The following CYP19A1 variants were observed in gnomAD, a reference collection of about 807,000 sequenced individuals.
CYP19A1 encodes the protein aromatase.
Under a neutral mutation model 44.4 loss-of-function variants are expected in CYP19A1, and 32 were observed. The observed-to-expected ratio is 0.72, with a 90% CI of 0.54 to 0.97. CYP19A1 has a LOEUF of 0.97. CYP19A1 is among the 50% of genes least tolerant of loss of function. CYP19A1 has a pLI of 0.00. For missense variants in CYP19A1, 598 were observed against 637.8 expected, an observed-to-expected ratio of 0.94 and a Z score of 0.67; for synonymous variants, 212 against 215.6, an observed-to-expected ratio of 0.98 and a Z score of 0.14.
At chr15:51,282,563 C>T (rs2035556974) in intron 1 of CYP19A1, among the ~76,000 whole-genome samples, 1 of 152,238 alleles carries the variant, frequency 6.6e-6, no homozygotes, top group Admixed American at 6.5e-5. Context: ...TCAGGGCCTT[C>T]ACAGCCTCCA....
chr15:51,280,998 GGC>G (rs372474546), intron 1 of CYP19A1, among the ~76,000 whole-genome samples: 1 of 152,156 alleles, frequency 6.6e-6, no homozygotes, highest in African/African-American at 2.4e-5. Context: ...TGCAGGCCCA[GGC>G]GCCCGTTACT....
intron 9 of CYP19A1, chr15:51,211,588 C>A (rs1449614687): frequency 5.2e-6 from 2 of 384,098 alleles, no homozygotes; most frequent in Admixed American, 3.4e-5. Context: ...TTTTGTTGAT[C>A]AGTTGACTGA....
intron 1 of CYP19A1, among the ~76,000 whole-genome samples, chr15:51,305,143 G>A (rs61309238): frequency 0.023 from 3,421 of 151,988 alleles, 114 homozygotes; most frequent in East Asian, 0.14. Context: ...CAAGTTATCC[G>A]CCCACCTTGG....
At chr15:51,258,993 C>T (rs983203151) in intron 1 of CYP19A1, among the ~76,000 whole-genome samples, 1 of 152,158 alleles carries the variant, frequency 6.6e-6, no homozygotes, top group Admixed American at 6.5e-5. Flanking sequence ...TTGCCCCCAT[C>T]CCTCCACCAT....
Position 51,215,248 on chromosome 15 carries a change from AT to A in CYP19A1, c.859-17del. The A allele has an allele frequency of 6.2e-7, 1 of 1,614,018 alleles. No homozygotes were observed. Among genetic ancestry groups the A allele is most frequent in the Non-Finnish European group, 8.5e-7 (1 of 1,179,944 alleles). ...CACCACGTTTCTGAACAATTGGAAG[AT>A]GGGAAAAATTTGGAAAAGTGAATCA... On this transcript the variant is annotated splice_polypyrimidine_tract_variant and intron_variant, in intron 7 of 9. Coordinates refer to ENST00000396402, the MANE Select transcript of CYP19A1 (RefSeq NM_000103.4).
chr15:51,250,629 C>A (rs2034270658), intron 1 of CYP19A1, among the ~76,000 whole-genome samples: 1 of 152,218 alleles, frequency 6.6e-6, no homozygotes. Flanking sequence ...GGCCATGAGA[C>A]AAAGTGGGGG....
intron 1 of CYP19A1, among the ~76,000 whole-genome samples, chr15:51,251,147 C>T (rs375350091): frequency 3.9e-5 from 6 of 152,238 alleles, no homozygotes; most frequent in South Asian, 4.2e-4. Flanking sequence ...GGGAAGCCTC[C>T]GGAGCCAAGT....
At chr15:51,227,009 T>G (rs1187594857) in intron 4 of CYP19A1, among the ~76,000 whole-genome samples, 5 of 152,154 alleles carry the variant, frequency 3.3e-5, no homozygotes, top group Non-Finnish European at 1.5e-5. Flanking sequence ...AGTCAAGCAC[T>G]CAGCAAACAC....
chr15:51,291,989 C>T (rs2035857238), intron 1 of CYP19A1, among the ~76,000 whole-genome samples: 1 of 152,240 alleles, frequency 6.6e-6, no homozygotes, highest in South Asian at 2.1e-4. Context: ...GCTACTTTAG[C>T]AGTCCAACAC....
intron 1 of CYP19A1, among the ~76,000 whole-genome samples, chr15:51,310,721 C>A (rs2036295616): frequency 6.6e-6 from 1 of 152,194 alleles, no homozygotes; most frequent in Admixed American, 6.5e-5. Flanking sequence ...TTTGTGACAT[C>A]ATCAGCGGCT....
At chr15:51,237,297 TA>T (rs1463581464) in intron 2 of CYP19A1, among the ~76,000 whole-genome samples, 1 of 152,242 alleles carries the variant, frequency 6.6e-6, no homozygotes, top group Non-Finnish European at 1.5e-5. Context: ...GTGTGTGTGC[TA>T]ATTTCTTCCC....
At chr15:51,229,444 C>T (rs892572593) in intron 3 of CYP19A1, among the ~76,000 whole-genome samples, 2 of 149,692 alleles carry the variant, frequency 1.3e-5, no homozygotes, top group African/African-American at 4.9e-5. Flanking sequence ...ATATTTATTT[C>T]AGGAAAAACC....
intron 1 of CYP19A1, among the ~76,000 whole-genome samples, chr15:51,268,816 T>C (rs1034707861): frequency 6.6e-6 from 1 of 152,210 alleles, no homozygotes. Flanking sequence ...ATTAATAATT[T>C]TGAGCATTTT....
intron 3 of CYP19A1, among the ~76,000 whole-genome samples, chr15:51,233,165 C>T (rs913039757): frequency 3.3e-5 from 5 of 152,188 alleles, no homozygotes; most frequent in Non-Finnish European, 7.3e-5. Flanking sequence ...ATCACACCTG[C>T]GTCTCTACAA....
Position 51,212,111 on chromosome 15 carries a change from T to C in CYP19A1, c.1263+209A>G, listed in dbSNP as rs1044020358. 6.6e-6 allele frequency: 4 copies of C among 609,518 alleles called. No homozygotes were observed. In the Admixed American group the frequency reaches 8.4e-5, roughly 13 times the overall value. The allele number at this position is 609,518 out of a possible 1,614,324, so 37.8% of individuals were successfully genotyped here. A position where few individuals can be genotyped will look rare whatever the true frequency, so the allele number is the denominator to read the frequency against. ...TTGTGGCCACCATGTAGATACTTCT[T>C]AGAGCTGGAGACCCAACATCCTTGA... On this transcript the variant is annotated intron_variant, in intron 9 of 9. Coordinates refer to ENST00000396402, the MANE Select transcript of CYP19A1 (RefSeq NM_000103.4).
chr15:51,241,211 A>G (rs889043766), intron 2 of CYP19A1, among the ~76,000 whole-genome samples: 2 of 152,190 alleles, frequency 1.3e-5, no homozygotes, highest in African/African-American at 4.8e-5. Flanking sequence ...TTGTCCTAAC[A>G]GGCTGACCTC....
At chr15:51,294,571 G>A (rs1284796575) in intron 1 of CYP19A1, among the ~76,000 whole-genome samples, 2 of 143,940 alleles carry the variant, frequency 1.4e-5, no homozygotes, top group Non-Finnish European at 3.0e-5. Flanking sequence ...CGCCCCGTCC[G>A]GGAGGGAGGT....
intron 1 of CYP19A1, among the ~76,000 whole-genome samples, chr15:51,271,510 T>C (rs1322103786): frequency 6.6e-6 from 1 of 152,230 alleles, no homozygotes; most frequent in African/African-American, 2.4e-5. Flanking sequence ...CTCCAAGGAA[T>C]ACTCTCACTT....
At chr15:51,213,769 G>C (rs1314865312) in intron 8 of CYP19A1, among the ~76,000 whole-genome samples, 3 of 152,138 alleles carry the variant, frequency 2.0e-5, no homozygotes, top group Non-Finnish European at 4.4e-5. Context: ...TGGTTTCTCT[G>C]AATGCCCTCC....
Sources: allele counts gnomAD v4.1 joint callset (sites outside exome capture counted in the v4.1 genomes callset), GRCh38; gene constraint gnomAD v4.1.1; transcripts MANE v1.5; gene names NCBI Gene and HGNC (gene_info 2026-07-23, HGNC 2026-07-21).